Variants in SCN8A observed in about 807,000 individuals in gnomAD.
SCN8A encodes the protein sodium channel protein type 8 subunit alpha.
Under a neutral mutation model 184.1 loss-of-function variants are expected in SCN8A, and 30 were observed. That is an observed-to-expected ratio of 0.16 (90% CI 0.12 to 0.22). SCN8A has a LOEUF of 0.22. SCN8A is among the 10% of genes least tolerant of loss of function. The probability of loss-of-function intolerance (pLI) is 1.00; values close to 1 mark genes in which losing one functional copy is unlikely to be tolerated. For missense variants in SCN8A, 1,057 were observed against 2,498.9 expected (o/e 0.42, Z 12.30); for synonymous variants, 852 against 907.0 (o/e 0.94, Z 1.09).
intron 26 of SCN8A, among the ~76,000 whole-genome samples, chr12:51,798,098 G>T (rs1236596157): frequency 6.6e-6 from 1 of 152,094 alleles, no homozygotes; most frequent in African/African-American, 2.4e-5. Context: ...GGAGAACTTT[G>T]CCCCAGCCCT....
chr12:51,780,585 T>TTTTTTTTTTTTTTTTTTTTTTTTTTC (rs1937881173), intron 20 of SCN8A, 64 bp from the exon 21 acceptor site: 1 of 315,560 alleles, frequency 3.2e-6, no homozygotes, highest in Non-Finnish European at 5.3e-6. Context: ...TTTTTTTTTT[T>TTTTTTTTTTTTTTTTTTTTTTTTTTC]TTTTTTTTTT....
At chr12:51,668,909 A>G (rs1198809976) in intron 2 of SCN8A, among the ~76,000 whole-genome samples, 1 of 152,156 alleles carries the variant, frequency 6.6e-6, no homozygotes, top group East Asian at 1.9e-4. Context: ...TTATTAGGCC[A>G]TTTCATCCTT....
chr12:51,800,835 G>A (rs371825675), intron 26 of SCN8A, among the ~76,000 whole-genome samples: 2 of 152,204 alleles, frequency 1.3e-5, no homozygotes, highest in African/African-American at 2.4e-5. Flanking sequence ...GTAAAAGACC[G>A]GAGGTCTCCT....
At chr12:51,696,355 G>A (rs913212134) in intron 6 of SCN8A, among the ~76,000 whole-genome samples, 13 of 152,144 alleles carry the variant, frequency 8.5e-5, no homozygotes, top group Non-Finnish European at 1.5e-4. Flanking sequence ...TTGAATTATT[G>A]ATTCAATATA....
intron 2 of SCN8A, among the ~76,000 whole-genome samples, chr12:51,680,006 AC>A (rs1456209907): frequency 6.6e-6 from 1 of 151,960 alleles, no homozygotes; most frequent in Non-Finnish European, 1.5e-5. Flanking sequence ...TTATAGGTGG[AC>A]TATCTTGCTT....
intron 12 of SCN8A, among the ~76,000 whole-genome samples, chr12:51,727,132 C>T (rs890658671): frequency 6.6e-6 from 1 of 152,174 alleles, no homozygotes; most frequent in Non-Finnish European, 1.5e-5. Context: ...TTGAAAAGGA[C>T]TGCTGTAATT....
chr12:51,617,681 A>C (rs1360645432), intron 1 of SCN8A, among the ~76,000 whole-genome samples: 3 of 152,122 alleles, frequency 2.0e-5, no homozygotes, highest in Admixed American at 6.5e-5. Flanking sequence ...AACACTTTCA[A>C]ATTGTTAGAA....
intron 19 of SCN8A, 31 bp from the exon 20 acceptor site, chr12:51,774,158 C>T (rs751938989): frequency 6.2e-7 from 1 of 1,608,574 alleles, no homozygotes; most frequent in Non-Finnish European, 8.5e-7. Context: ...CCTTTAGGCA[C>T]TGTCATAGGC....
chr12:51,727,277 G>A (rs1022034576), intron 12 of SCN8A, among the ~76,000 whole-genome samples: 7 of 151,884 alleles, frequency 4.6e-5, no homozygotes, highest in African/African-American at 1.7e-4. Context: ...GTTACTGAGG[G>A]TTTTTCCTCC....
chr12:51,679,721 C>CTTTTTTTT (rs34564079), intron 2 of SCN8A, among the ~76,000 whole-genome samples: 1,989 of 85,198 alleles, frequency 0.023, 160 homozygotes, highest in East Asian at 0.067. Context: ...ACTATCTTGC[C>CTTTTTTTT]TTTTTTTTTT....
At chr12:51,721,989 C>A (rs1013829290) in intron 12 of SCN8A, 81 bp downstream of exon 12, 3 of 1,595,858 alleles carry the variant, frequency 1.9e-6, no homozygotes, top group African/African-American at 2.7e-5. Context: ...CAGTCTCCCC[C>A]GCTCCTTCCC....
chr12:51,771,551 C>T (rs1942925915), intron 19 of SCN8A, among the ~76,000 whole-genome samples: 1 of 152,078 alleles, frequency 6.6e-6, no homozygotes, highest in Admixed American at 6.5e-5. Context: ...AGAGAGGCAG[C>T]AGTGTGTATT....
At chr12:51,616,133 A>G (rs1002315367) in intron 1 of SCN8A, among the ~76,000 whole-genome samples, 3 of 152,184 alleles carry the variant, frequency 2.0e-5, no homozygotes, top group East Asian at 3.8e-4. Context: ...CTGAAGTTCT[A>G]AATTTCCCTG....
chr12:51,766,350 C>T (rs539383383), intron 16 of SCN8A: 116 of 366,478 alleles, frequency 3.2e-4, no homozygotes, highest in Non-Finnish European at 5.3e-4. Flanking sequence ...GCCCGTTCGC[C>T]TACAGAAGCC....
At chr12:51,622,245 A>T (rs1013202620) in intron 1 of SCN8A, among the ~76,000 whole-genome samples, 1 of 152,222 alleles carries the variant, frequency 6.6e-6, no homozygotes, top group Non-Finnish European at 1.5e-5. Context: ...CTGGTTTCCC[A>T]TAATGTTAAT....
rs1182021641 is a variant in SCN8A at position 51,809,213 on chromosome 12, A to C, written c.*1784A>C. ...TTTTTAGTCCAGGGGTTTCTCACCTAATGACTGGATTTCAAAGCCAAGATG... is the reference window on the plus strand; with the variant it reads ...TTTTTAGTCCAGGGGTTTCTCACCTCATGACTGGATTTCAAAGCCAAGATG... On this transcript the variant is annotated 3_prime_UTR_variant, in exon 27 of 27. Transcript: ENST00000627620. 6.6e-6 allele frequency: 1 copy of C among 152,170 alleles called. No homozygotes were observed. Among genetic ancestry groups the C allele is most frequent in the African/African-American group, 2.4e-5 (1 of 41,414 alleles). 9.4% of individuals were successfully genotyped at this position (152,170 alleles called of 1,614,324 possible). A position where few individuals can be genotyped will look rare whatever the true frequency, so the allele number is the denominator to read the frequency against.
intron 22 of SCN8A, chr12:51,788,397 A>G (rs187026977): frequency 1.9e-4 from 40 of 210,640 alleles, no homozygotes; most frequent in African/African-American, 9.0e-4. Context: ...TTCACTCATA[A>G]AAGTTTTCCC....
intron 11 of SCN8A, chr12:51,713,461 T>G (rs1941914968): frequency 2.6e-6 from 2 of 773,366 alleles, no homozygotes; most frequent in Non-Finnish European, 4.7e-6. Flanking sequence ...TCTTAAACTA[T>G]CATCTGTAGT....
intron 12 of SCN8A, among the ~76,000 whole-genome samples, chr12:51,736,477 G>C (rs1942328134): frequency 2.0e-5 from 3 of 152,238 alleles, no homozygotes; most frequent in South Asian, 4.1e-4. Flanking sequence ...CATTTGGCAA[G>C]TTGGGCATCA....
Sources: allele counts gnomAD v4.1 joint callset (sites outside exome capture counted in the v4.1 genomes callset), GRCh38; gene constraint gnomAD v4.1.1; transcripts MANE v1.5; gene names NCBI Gene and HGNC (gene_info 2026-07-23, HGNC 2026-07-21).